The following PC variants were observed in gnomAD, a reference collection of about 807,000 sequenced individuals.
The protein encoded by PC is pyruvate carboxylase, also known as pyruvate carboxylase, mitochondrial.
A neutral mutation model predicts 107.8 loss-of-function variants in PC; 46 were observed. The ratio of observed to expected loss-of-function variants is 0.43; its 90% CI spans 0.34 to 0.55. The LOEUF is 0.55. Ranked by LOEUF, PC falls within the 20% of genes least tolerant of loss-of-function variation. The pLI is 0.04. For missense variants in PC, 1,241 were observed against 1,643.1 expected (o/e 0.76, Z 4.23); for synonymous variants, 662 against 684.7 (o/e 0.97, Z 0.52).
At chr11:66,895,552 T>C (rs1947727161) in intron 3 of PC, among the ~76,000 whole-genome samples, 1 of 152,094 alleles carries the variant, frequency 6.6e-6, no homozygotes, top group South Asian at 2.1e-4. Context: ...AGTGAAAACA[T>C]AGGATGCTAC....
At position 66,860,471 on chromosome 11, in the gene PC, C is replaced by T. The variant is rs569623594; in HGVS notation, c.1368+3303G>A. 2.0e-3 allele frequency: 1,379 copies of T among 703,302 alleles called. 6 individuals carry two copies. The highest frequency in any genetic ancestry group is 3.0e-3 in the Admixed American group (152 of 50,020). 43.6% of individuals were successfully genotyped at this position (703,302 alleles called of 1,614,324 possible). The stretch of plus-strand genomic sequence containing the variant: ...ATTTATAATAAAATTGTTGGGGACA[C>T]CTCAGTGCTAGTCTCTGGTGTTGTC... On this transcript the variant is annotated intron_variant, in intron 12 of 22. Transcript: ENST00000393960.
rs144183233 is a variant in PC at position 66,941,520 on chromosome 11, C to T, written c.-1+10910G>A. Among the ~76,000 whole-genome samples, 812 of 152,186 alleles carry T rather than the reference C, an allele frequency of 5.3e-3. 6 individuals are homozygous for T. Among genetic ancestry groups the T allele is most frequent in the African/African-American group, 0.018 (766 of 41,558 alleles). On this transcript the variant is annotated intron_variant, in intron 3 of 22. Coordinates refer to ENST00000393960, the MANE Select transcript of PC (RefSeq NM_001040716.2). ...CTTTTCTTTTTTTTTGAGGCAGAGT[C>T]TTGCTCTGTCGCCCAGGCTGGAGTG...
chr11:66,859,845 G>C, intron 12 of PC: 5 of 1,567,602 alleles, frequency 3.2e-6, no homozygotes, highest in Non-Finnish European at 4.3e-6. Flanking sequence ...GACCCTGACC[G>C]TGGCCGTGGG....
At chr11:66,938,168 C>G (rs1949044095) in intron 3 of PC, among the ~76,000 whole-genome samples, 1 of 152,126 alleles carries the variant, frequency 6.6e-6, no homozygotes, top group Admixed American at 6.6e-5. Context: ...TGTGTATGAA[C>G]CATACTTTCT....
chr11:66,946,225 G>A (rs1949287054), intron 3 of PC, among the ~76,000 whole-genome samples: 1 of 152,142 alleles, frequency 6.6e-6, no homozygotes, highest in Non-Finnish European at 1.5e-5. Context: ...GGCCAGGCGT[G>A]GTGACTCACA....
At chr11:66,903,773 A>AATATATATAT (rs1555039097) in intron 3 of PC, among the ~76,000 whole-genome samples, 10 of 62,532 alleles carry the variant, frequency 1.6e-4, no homozygotes, top group South Asian at 9.5e-4. Context: ...AAAAAAAAAA[A>AATATATATAT]ATATATATAT....
intron 2 of PC, among the ~76,000 whole-genome samples, chr11:66,952,875 C>G (rs1421094038): frequency 6.6e-6 from 1 of 152,180 alleles, no homozygotes; most frequent in African/African-American, 2.4e-5. Flanking sequence ...CTGAGGGCAC[C>G]AGGAGGGTAC....
Position 66,858,363 on chromosome 11 carries a change from A to C in PC, c.1369-4980T>G. ...GGACCTCACCTCCAACCGCCTGGCC[A>C]CGCTGGCTCCGGACCCGCTTTTCTC... On this transcript the variant is annotated intron_variant, in intron 12 of 22. Coordinates refer to ENST00000393960, the MANE Select transcript of PC (RefSeq NM_001040716.2). The surrounding 1 kb of genome is among the most constrained non-coding windows in gnomAD (Gnocchi z 5.9). 6.3e-7 allele frequency: 1 copy of C among 1,593,358 alleles called. No individual in the cohort carries two copies. Among genetic ancestry groups the C allele is most frequent in the Non-Finnish European group, 8.5e-7 (1 of 1,173,870 alleles).
At chr11:66,861,792 C>T (rs1025836765) in intron 12 of PC, among the ~76,000 whole-genome samples, 1 of 151,964 alleles carries the variant, frequency 6.6e-6, no homozygotes, top group Non-Finnish European at 1.5e-5. Context: ...ACCAGAGACA[C>T]TTATCCTGCT....
At chr11:66,909,641 C>T (rs1948278816) in intron 3 of PC, among the ~76,000 whole-genome samples, 1 of 152,200 alleles carries the variant, frequency 6.6e-6, no homozygotes, top group African/African-American at 2.4e-5. Flanking sequence ...AGTCCCTGCC[C>T]TCCAGGAGCT....
intron 2 of PC, among the ~76,000 whole-genome samples, chr11:66,952,912 C>T (rs577594419): frequency 6.6e-6 from 1 of 152,326 alleles, no homozygotes; most frequent in East Asian, 1.9e-4. Context: ...GCTGTGCTGT[C>T]CCACTGCCTG....
At chr11:66,900,189 T>TG (rs1466049678) in intron 3 of PC, among the ~76,000 whole-genome samples, 1 of 148,166 alleles carries the variant, frequency 6.7e-6, no homozygotes, top group African/African-American at 2.5e-5. Flanking sequence ...TTTTTTTTTT[T>TG]TTTTTTTTTG....
intron 10 of PC, among the ~76,000 whole-genome samples, chr11:66,868,283 T>C (rs1445141425): frequency 1.3e-5 from 2 of 152,188 alleles, no homozygotes; most frequent in African/African-American, 2.4e-5. Context: ...TCGAGGACTA[T>C]GTAAGTTAAG....
At chr11:66,920,735 T>C (rs1483689129) in intron 3 of PC, among the ~76,000 whole-genome samples, 4 of 152,126 alleles carry the variant, frequency 2.6e-5, no homozygotes, top group Non-Finnish European at 4.4e-5. Flanking sequence ...AAATGTAACA[T>C]GTTCAGGACA....
intron 3 of PC, among the ~76,000 whole-genome samples, chr11:66,913,877 T>C (rs1019303697): frequency 4.0e-5 from 6 of 151,760 alleles, no homozygotes; most frequent in Non-Finnish European, 7.4e-5. Context: ...CCTGGAAAAT[T>C]TGGAGGAAGG....
intron 3 of PC, among the ~76,000 whole-genome samples, chr11:66,873,201 A>C (rs920095419): frequency 6.8e-5 from 10 of 147,526 alleles, no homozygotes; most frequent in African/African-American, 2.5e-4. Flanking sequence ...TTAGCCAGGC[A>C]TGGTGGCACA....
At chr11:66,929,017 T>C (rs1948784516) in intron 3 of PC, among the ~76,000 whole-genome samples, 1 of 152,176 alleles carries the variant, frequency 6.6e-6, no homozygotes, top group South Asian at 2.1e-4. Context: ...CTATCTGTAC[T>C]ATTTATTGAA....
At chr11:66,903,047 C>T (rs930934113) in intron 3 of PC, among the ~76,000 whole-genome samples, 1 of 152,208 alleles carries the variant, frequency 6.6e-6, no homozygotes, top group African/African-American at 2.4e-5. Flanking sequence ...TCCACATTAG[C>T]AGGGGGGTGT....
chr11:66,911,674 G>T (rs1414008256), intron 3 of PC, among the ~76,000 whole-genome samples: 1 of 152,118 alleles, frequency 6.6e-6, no homozygotes, highest in Non-Finnish European at 1.5e-5. Context: ...ACAATATAAA[G>T]TTAAATTAAT....
Sources: allele counts gnomAD v4.1 joint callset (sites outside exome capture counted in the v4.1 genomes callset), GRCh38; gene constraint gnomAD v4.1.1; non-coding constraint Gnocchi (gnomAD v3.1); transcripts MANE v1.5; gene names NCBI Gene and HGNC (gene_info 2026-07-23, HGNC 2026-07-21).